The following GPC6 variants were observed in gnomAD, a reference collection of about 807,000 sequenced individuals.
GPC6 encodes the protein glypican 6, also known as glypican-6.
In GPC6, 14 loss-of-function variants were observed where a neutral mutation model predicts 55.2. The ratio of observed to expected loss-of-function variants is 0.25; its 90% CI spans 0.17 to 0.40. GPC6 has a LOEUF of 0.40. GPC6 is among the 10% of genes least tolerant of loss of function. The pLI is 1.00. For synonymous variants in GPC6, 278 were observed against 259.6 expected, an observed-to-expected ratio of 1.07 and a Z score of -0.68; for missense variants, 641 against 708.5, an observed-to-expected ratio of 0.90 and a Z score of 1.08.
chr13:93,981,624 T>C (rs188571888), intron 3 of GPC6, among the ~76,000 whole-genome samples: 1 of 152,334 alleles, frequency 6.6e-6, no homozygotes, highest in African/African-American at 2.4e-5. Flanking sequence ...TATCCTGGTT[T>C]AACATTGCTT....
At chr13:93,718,346 T>C (rs1853994838) in intron 2 of GPC6, among the ~76,000 whole-genome samples, 1 of 152,104 alleles carries the variant, frequency 6.6e-6, no homozygotes, top group African/African-American at 2.4e-5. Context: ...TTGATTTGCA[T>C]TTCTCTAATG....
At chr13:93,875,354 T>A (rs142593112) in intron 3 of GPC6, among the ~76,000 whole-genome samples, 328 of 152,222 alleles carry the variant, frequency 2.2e-3, no homozygotes, top group African/African-American at 7.4e-3. Flanking sequence ...TTCACTTCGC[T>A]GTTGCAATTA....
intron 1 of GPC6, among the ~76,000 whole-genome samples, chr13:93,532,815 C>T (rs1384783132): frequency 6.6e-6 from 1 of 152,190 alleles, no homozygotes; most frequent in East Asian, 1.9e-4. Context: ...ATTCTCTCTG[C>T]ATAACCATTG....
chr13:93,871,639 T>A (rs1889136629), intron 3 of GPC6, among the ~76,000 whole-genome samples: 1 of 148,450 alleles, frequency 6.7e-6, no homozygotes, highest in African/African-American at 2.4e-5. Flanking sequence ...GGAAGTCAGG[T>A]GTTAAAGCAC....
chr13:94,389,117 C>A lies in GPC6; in HGVS notation c.1289+6567C>A, dbSNP rs916617367. Reference sequence around the variant, plus strand: ...GGGTAAATGTGAGAAGACACAGCAACATTCTGACTCCACTCAGACAAATAG... The same window carrying A: ...GGGTAAATGTGAGAAGACACAGCAAAATTCTGACTCCACTCAGACAAATAG... On this transcript the variant is annotated intron_variant, in intron 7 of 8. Coordinates refer to ENST00000377047, the MANE Select transcript of GPC6 (RefSeq NM_005708.5). Among the ~76,000 whole-genome samples the A allele has an allele frequency of 3.9e-5, 6 of 152,158 alleles. No individual in the cohort carries two copies. In the East Asian group the frequency reaches 9.6e-4, roughly 24 times the overall value.
chr13:93,755,277 G>A (rs2138868360), intron 2 of GPC6, among the ~76,000 whole-genome samples: 1 of 151,014 alleles, frequency 6.6e-6, no homozygotes, highest in Middle Eastern at 3.4e-3. Flanking sequence ...ATTTTCCCTG[G>A]AGGAAGCATC....
intron 4 of GPC6, among the ~76,000 whole-genome samples, chr13:94,282,728 A>G (rs1594129472): frequency 6.6e-6 from 1 of 152,216 alleles, no homozygotes; most frequent in African/African-American, 2.4e-5. Flanking sequence ...TGGGACTGTC[A>G]TCTGGAATCC....
rs1027659409 is a variant in GPC6 at position 94,298,694 on chromosome 13, G to A, written c.1009-7286G>A. ...ATCAGGAAACAGTATTTTGGGTCTC[G>A]TTATCACTTTAAACAAAGTTGTCCA... On this transcript the variant is annotated intron_variant, in intron 5 of 8. Transcript: ENST00000377047. Among the ~76,000 whole-genome samples, 8 of 152,298 alleles carry A rather than the reference G, an allele frequency of 5.3e-5. No homozygotes were observed. In the East Asian group the frequency reaches 9.6e-4, roughly 18 times the overall value.
At chr13:93,303,478 G>A (rs1047699744) in intron 1 of GPC6, among the ~76,000 whole-genome samples, 8 of 152,158 alleles carry the variant, frequency 5.3e-5, no homozygotes, top group African/African-American at 1.4e-4. Context: ...AATTCTCACA[G>A]GTTTTTGAGA....
intron 6 of GPC6, among the ~76,000 whole-genome samples, chr13:94,346,266 A>C (rs2139162503): frequency 6.6e-6 from 1 of 152,330 alleles, no homozygotes; most frequent in East Asian, 1.9e-4. Context: ...AACCCATAAC[A>C]GGCATTTATG....
chr13:93,736,306 T>C (rs750189064), intron 2 of GPC6, among the ~76,000 whole-genome samples: 1 of 152,192 alleles, frequency 6.6e-6, no homozygotes, highest in Non-Finnish European at 1.5e-5. Context: ...CAAGTTCTCA[T>C]CTCCTAAATA....
chr13:93,235,889 A>T (rs1876216733), intron 1 of GPC6, among the ~76,000 whole-genome samples: 1 of 152,202 alleles, frequency 6.6e-6, no homozygotes, highest in Non-Finnish European at 1.5e-5. Context: ...CAGTATCAAC[A>T]GGGTGCCAGG....
intron 3 of GPC6, among the ~76,000 whole-genome samples, chr13:94,015,693 T>G (rs1453048324): frequency 2.0e-5 from 3 of 152,130 alleles, no homozygotes. Flanking sequence ...GTAGGGTAGG[T>G]TCCAGCTGCA....
intron 2 of GPC6, among the ~76,000 whole-genome samples, chr13:93,550,348 T>G (rs966957217): frequency 2.0e-5 from 3 of 152,172 alleles, no homozygotes; most frequent in African/African-American, 7.2e-5. Flanking sequence ...GAGCTCCATA[T>G]GAAGTTTTTT....
At chr13:93,902,930 AC>A (rs1876439348) in intron 3 of GPC6, among the ~76,000 whole-genome samples, 1 of 152,160 alleles carries the variant, frequency 6.6e-6, no homozygotes. Context: ...AAATCCATGC[AC>A]TTATAGCCTA....
chr13:94,389,603 C>T (rs1880556982), intron 7 of GPC6, among the ~76,000 whole-genome samples: 2 of 152,114 alleles, frequency 1.3e-5, no homozygotes, highest in African/African-American at 4.8e-5. Context: ...ATTGTTTTCT[C>T]TTCACGCAGA....
chr13:93,302,737 T>G (rs1253799439), intron 1 of GPC6, among the ~76,000 whole-genome samples: 1 of 152,192 alleles, frequency 6.6e-6, no homozygotes, highest in East Asian at 1.9e-4. Context: ...TGTGTGAGAC[T>G]CAATCCTATC....
At chr13:93,304,922 C>T (rs1878805659) in intron 1 of GPC6, among the ~76,000 whole-genome samples, 1 of 152,128 alleles carries the variant, frequency 6.6e-6, no homozygotes, top group Non-Finnish European at 1.5e-5. Flanking sequence ...GGCATCTTAC[C>T]TTTGTGCTGG....
chr13:94,402,966 C>G, intron 8 of GPC6, 49 bp from the exon 9 acceptor site: 1 of 1,333,760 alleles, frequency 7.5e-7, no homozygotes, highest in Non-Finnish European at 1.1e-6. Context: ...GGCCACAAAG[C>G]CTAAACATAT....
Sources: allele counts gnomAD v4.1 joint callset (sites outside exome capture counted in the v4.1 genomes callset), GRCh38; gene constraint gnomAD v4.1.1; transcripts MANE v1.5; gene names NCBI Gene and HGNC (gene_info 2026-07-23, HGNC 2026-07-21).